The following BARD1 variants were observed in gnomAD, a reference collection of about 807,000 sequenced individuals.
The protein encoded by BARD1 is BRCA1 associated RING domain 1.
Under a neutral mutation model 77.0 loss-of-function variants are expected in BARD1, and 73 were observed. That is an observed-to-expected ratio of 0.95 (90% CI 0.79 to 1.15). BARD1 has a LOEUF of 1.15. Among genes scored for constraint, BARD1 ranks in the 50% most tolerant of loss-of-function variants. The pLI is 0.00. For synonymous variants in BARD1, 384 were observed against 338.0 expected, an observed-to-expected ratio of 1.14 and a Z score of -1.49; for missense variants, 993 against 938.8, an observed-to-expected ratio of 1.06 and a Z score of -0.75.
rs1241515847 is a variant in BARD1 at position 214,781,382 on chromosome 2, T to C, written c.492A>G (p.Gln164=). 4 of 1,613,774 alleles carry C rather than the reference T, an allele frequency of 2.5e-6. No homozygotes were observed. Among genetic ancestry groups the C allele is most frequent in the Non-Finnish European group, 3.4e-6 (4 of 1,179,936 alleles). The change falls in exon 4 of 11, where the codon CAA becomes CAG. Residue 164 remains glutamine, a synonymous_variant. Coordinates refer to ENST00000260947, the MANE Select transcript of BARD1 (RefSeq NM_000465.4). ...CATCTTTTTTTATTGCAGGCTGGGT[T>C]TGCACTGAAGCTTTACTCACAACAT... ...VRYVVSKASV[Q]TQPAIKKDAS...
chr2:214,791,701 A>G (rs1301666827), intron 3 of BARD1, among the ~76,000 whole-genome samples: 1 of 152,236 alleles, frequency 6.6e-6, no homozygotes, highest in Non-Finnish European at 1.5e-5. Context: ...TAATTAATTC[A>G]GTCTAGAAAA....
At chr2:214,752,306 C>A in intron 7 of BARD1, 141 bp downstream of exon 7, 1 of 680,768 alleles carries the variant, frequency 1.5e-6, no homozygotes, top group Non-Finnish European at 2.6e-6. Flanking sequence ...TTTGAATCCA[C>A]AGTAGCTAAT....
At chr2:214,792,899 TTTTTCAGACA>T (rs1452604193) in intron 2 of BARD1, among the ~76,000 whole-genome samples, 8 of 152,142 alleles carry the variant, frequency 5.3e-5, no homozygotes, top group African/African-American at 1.7e-4. Flanking sequence ...GATCTTTGAC[TTTTTCAGACA>T]ATTTTAAAAC....
intron 9 of BARD1, among the ~76,000 whole-genome samples, chr2:214,732,387 AT>A (rs996960343): frequency 9.4e-5 from 14 of 148,248 alleles, no homozygotes; most frequent in African/African-American, 2.5e-4. Flanking sequence ...ACCTATGATG[AT>A]TTTTTTTTCT....
At position 214,780,630 on chromosome 2, in the gene BARD1, T is replaced by G. The variant is rs879254118; in HGVS notation, c.1244A>C (p.Lys415Thr). 1.9e-5 allele frequency: 30 copies of G among 1,613,982 alleles called. No individual in the cohort carries two copies. Among genetic ancestry groups the G allele is most frequent in the Non-Finnish European group, 2.4e-5 (28 of 1,179,994 alleles). ...TTTCACAGCCATATTGGGCAACAGC[T>G]TCATTGCTGAGGGACTAGACATCAC... ...RRVMSSPSAMKLLPNMAVKRN... is the reference protein window; with the variant it reads ...RRVMSSPSAMTLLPNMAVKRN... The change falls in exon 4 of 11, where the codon AAG becomes ACG. Residue 415 changes from lysine to threonine, a missense_variant. By Grantham distance (78) the Lys-to-Thr change is moderately conservative. Transcript: ENST00000260947.
chr2:214,763,930 A>C (rs1018156176), intron 6 of BARD1, among the ~76,000 whole-genome samples: 1 of 152,206 alleles, frequency 6.6e-6, no homozygotes, highest in African/African-American at 2.4e-5. Flanking sequence ...TAATTCTAGA[A>C]GACAGTCTCT....
intron 3 of BARD1, among the ~76,000 whole-genome samples, chr2:214,788,187 T>A (rs1282432951): frequency 2.9e-5 from 2 of 68,108 alleles, no homozygotes; most frequent in African/African-American, 1.0e-4. Flanking sequence ...AATCAAAGTA[T>A]TTTTTTTTTA....
At chr2:214,737,474 A>G (rs1254306350) in intron 9 of BARD1, among the ~76,000 whole-genome samples, 3 of 152,078 alleles carry the variant, frequency 2.0e-5, no homozygotes, top group Admixed American at 2.0e-4. Flanking sequence ...TGCTTACTCA[A>G]TCCGACATGC....
intron 6 of BARD1, among the ~76,000 whole-genome samples, chr2:214,761,037 C>A (rs2106060137): frequency 1.3e-5 from 2 of 151,054 alleles, no homozygotes; most frequent in South Asian, 4.2e-4. Context: ...GCTTCTCAAT[C>A]CACAGGGACT....
At chr2:214,796,943 C>T (rs1172008449) in intron 2 of BARD1, 118 bp downstream of exon 2, 1 of 844,286 alleles carries the variant, frequency 1.2e-6, no homozygotes, top group Non-Finnish European at 2.1e-6. Flanking sequence ...CAATAGGTTA[C>T]TTTGCAGACT....
chr2:214,804,592 C>T (rs1470735579), intron 1 of BARD1, among the ~76,000 whole-genome samples: 1 of 152,154 alleles, frequency 6.6e-6, no homozygotes, highest in African/African-American at 2.4e-5. Flanking sequence ...AATCTGCAAA[C>T]TGGAGAGAAC....
Position 214,728,152 on chromosome 2 carries a change from A to G in BARD1, c.*524T>C, listed in dbSNP as rs1692162306. 1 of 229,500 alleles carries G rather than the reference A, an allele frequency of 4.4e-6. No individual in the cohort carries two copies. The highest frequency in any genetic ancestry group is 8.6e-6 in the Non-Finnish European group (1 of 115,822). 14.2% of individuals were successfully genotyped at this position (229,500 alleles called of 1,614,324 possible). On this transcript the variant is annotated 3_prime_UTR_variant, in exon 11 of 11. Transcript: ENST00000260947. ...CACAACAAAGTAAATTATTAAGAAAAGAAATGAACACAATATAGGATAAAG... is the reference window on the plus strand; with the variant it reads ...CACAACAAAGTAAATTATTAAGAAAGGAAATGAACACAATATAGGATAAAG...
At position 214,728,594 on chromosome 2, in the gene BARD1, A is replaced by C; in HGVS notation, c.*82T>G. On this transcript the variant is annotated 3_prime_UTR_variant, in exon 11 of 11. Coordinates refer to ENST00000260947, the MANE Select transcript of BARD1 (RefSeq NM_000465.4). ...TGAATGACTCTACCTATTTGTAAAAATGTGAACATTAAAAACAGTACAATG... is the reference window on the plus strand; with the variant it reads ...TGAATGACTCTACCTATTTGTAAAACTGTGAACATTAAAAACAGTACAATG... 7.2e-7 allele frequency: 1 copy of C among 1,382,094 alleles called. No individual in the cohort carries two copies. Among genetic ancestry groups the C allele is most frequent in the Non-Finnish European group, 1.0e-6 (1 of 993,800 alleles). 85.6% of individuals were successfully genotyped at this position (1,382,094 alleles called of 1,614,324 possible). A position where few individuals can be genotyped will look rare whatever the true frequency, so the allele number is the denominator to read the frequency against.
intron 3 of BARD1, among the ~76,000 whole-genome samples, chr2:214,786,091 A>G (rs1695262838): frequency 6.6e-6 from 1 of 151,972 alleles, no homozygotes; most frequent in Non-Finnish European, 1.5e-5. Flanking sequence ...AACCTAAGGT[A>G]CTTTAAGAAG....
intron 2 of BARD1, 32 bp downstream of exon 2, chr2:214,797,029 T>A (rs1430983631): frequency 6.6e-7 from 1 of 1,514,824 alleles, no homozygotes; most frequent in South Asian, 1.1e-5. Context: ...AAAATACAGT[T>A]GTACTATATA....
chr2:214,784,907 A>C (rs2106119378), intron 3 of BARD1, among the ~76,000 whole-genome samples: 1 of 152,256 alleles, frequency 6.6e-6, no homozygotes, highest in African/African-American at 2.4e-5. Flanking sequence ...GGATAGCATT[A>C]GGAGAAATAC....
chr2:214,792,765 C>T (rs1695587931), intron 2 of BARD1, among the ~76,000 whole-genome samples: 1 of 152,154 alleles, frequency 6.6e-6, no homozygotes, highest in Non-Finnish European at 1.5e-5. Flanking sequence ...AGTAGTCGTG[C>T]ATCCTAACTT....
At chr2:214,785,538 T>C (rs78572339) in intron 3 of BARD1, among the ~76,000 whole-genome samples, 8,048 of 152,042 alleles carry the variant, frequency 0.053, 262 homozygotes, top group Admixed American at 0.084. Flanking sequence ...ACGTAAGAGA[T>C]GTTAGAATTA....
chr2:214,747,796 T>A (rs555578416), intron 7 of BARD1, among the ~76,000 whole-genome samples: 2 of 151,200 alleles, frequency 1.3e-5, no homozygotes, highest in African/African-American at 2.4e-5. Flanking sequence ...ACATGACACA[T>A]GTATACATAT....
Sources: gnomAD v4.1 joint callset for allele counts (sites outside exome capture counted in the v4.1 genomes callset) on GRCh38, gnomAD v4.1.1 for gene constraint, MANE v1.5 for transcripts, NCBI Gene and HGNC (gene_info 2026-07-23, HGNC 2026-07-21) for gene names.